Variants in MYLK3 observed in about 807,000 individuals in gnomAD.
The protein encoded by MYLK3 is myosin light chain kinase 3.
MYLK3 carries 55 observed loss-of-function variants against 76.3 expected under a neutral mutation model. The observed-to-expected ratio is 0.72, with a 90% CI of 0.58 to 0.90. The LOEUF is 0.90. MYLK3 is among the 40% of genes least tolerant of loss of function. MYLK3 has a pLI of 0.00. For synonymous variants in MYLK3, 416 were observed against 425.4 expected (o/e 0.98, Z 0.27); for missense variants, 973 against 1,053.6 (o/e 0.92, Z 1.06).
intron 9 of MYLK3, among the ~76,000 whole-genome samples, chr16:46,719,941 T>A (rs552318501): frequency 6.6e-6 from 1 of 152,028 alleles, no homozygotes; most frequent in Admixed American, 6.6e-5. Flanking sequence ...ACTTTGGGAG[T>A]CTGAGGCAGG....
intron 1 of MYLK3, 65 bp from the exon 2 acceptor site, chr16:46,740,212 T>G: frequency 7.6e-7 from 1 of 1,321,604 alleles, no homozygotes; most frequent in Non-Finnish European, 1.1e-6. Flanking sequence ...CCACAGACAT[T>G]TGTTTAGCAC....
intron 1 of MYLK3, among the ~76,000 whole-genome samples, chr16:46,741,074 G>A (rs931131332): frequency 6.6e-6 from 1 of 152,202 alleles, no homozygotes; most frequent in African/African-American, 2.4e-5. Flanking sequence ...CAGCCATGCT[G>A]GGTTTGAACC....
intron 10 of MYLK3, among the ~76,000 whole-genome samples, chr16:46,712,378 A>G (rs1005593608): frequency 2.0e-5 from 3 of 151,894 alleles, no homozygotes; most frequent in African/African-American, 7.3e-5. Flanking sequence ...TCCAGGGAAT[A>G]ATATCGGCAC....
chr16:46,734,021 T>A lies in MYLK3; in HGVS notation c.1002-1353A>T, dbSNP rs560492406. On this transcript the variant is annotated intron_variant, in intron 3 of 12. Transcript: ENST00000394809. ...CTGGAGGCTCTTCAGAAATTAAAAG[T>A]AGGATTACCGCATGTTTCAGCAACT... 1.7e-4 allele frequency among the ~76,000 whole-genome samples: 26 copies of A among 152,200 alleles called. No individual in the cohort carries two copies. The South Asian group carries it at 5.0e-3, about 29-fold the overall frequency.
At chr16:46,738,469 C>A (rs768006807) in intron 2 of MYLK3, among the ~76,000 whole-genome samples, 1 of 152,174 alleles carries the variant, frequency 6.6e-6, no homozygotes, top group Admixed American at 6.5e-5. Flanking sequence ...GAGGCTGAGG[C>A]AGGAGGATTG....
intron 1 of MYLK3, chr16:46,757,540 G>C (rs1029555182): frequency 3.7e-5 from 36 of 985,346 alleles, no homozygotes; most frequent in Non-Finnish European, 4.0e-5. Context: ...CCAACTCCGT[G>C]TTTACTCTGC....
At chr16:46,755,906 C>CT (rs772833701) in intron 1 of MYLK3, among the ~76,000 whole-genome samples, 85,302 of 109,470 alleles carry the variant, frequency 0.78, 31,618 homozygotes, top group East Asian at 0.96. Context: ...TTTTTTCTTT[C>CT]TTTTTTTTTT....
chr16:46,738,013 G>A lies in MYLK3; in HGVS notation c.699C>T (p.Ala233=). The part of the protein sequence containing the change: ...PGQGDGVPGP[A]QAFPGHLPLP... ...GGGGCAGGTGGCCAGGGAATGCCTGGGCTGGGCCAGGAACACCATCTCCCT... is the reference window on the plus strand; with the variant it reads ...GGGGCAGGTGGCCAGGGAATGCCTGAGCTGGGCCAGGAACACCATCTCCCT... The change falls in exon 3 of 13, where the codon GCC becomes GCT. Residue 233 remains alanine, a synonymous_variant. Transcript: ENST00000394809. The A allele has an allele frequency of 6.2e-7, 1 of 1,613,294 alleles. No homozygotes were observed. The highest frequency in any genetic ancestry group is 8.5e-7 in the Non-Finnish European group (1 of 1,179,972).
chr16:46,752,478 T>A (rs1245343407), upstream of MYLK3, among the ~76,000 whole-genome samples: 2 of 152,150 alleles, frequency 1.3e-5, no homozygotes, highest in African/African-American at 4.8e-5. Flanking sequence ...CAAGCCCCCA[T>A]GACACAAGTT....
upstream of MYLK3, among the ~76,000 whole-genome samples, chr16:46,752,292 A>C: frequency 6.6e-6 from 1 of 152,026 alleles, no homozygotes; most frequent in Non-Finnish European, 1.5e-5. Context: ...CTGGAGTGCA[A>C]TGGCACAACC....
At chr16:46,741,920 G>A (rs1199681736) in intron 1 of MYLK3, among the ~76,000 whole-genome samples, 8 of 152,072 alleles carry the variant, frequency 5.3e-5, no homozygotes, top group Admixed American at 5.2e-4. Flanking sequence ...ACAGGCACGT[G>A]CCACCACCTC....
Position 46,747,993 on chromosome 16 carries a change from C to T in MYLK3, c.201G>A (p.Leu67=). ...MGHLERGLHR[L]EASRAPGPGG... ...CCGGGCCCGGTGCCCGGGAGGCCTC[C>T]AGCCTGTGCAGGCCCCGCTCCAGGT... Residue 67 remains leucine, a synonymous_variant, in exon 1 of 13, where the codon CTG becomes CTA. Transcript: ENST00000394809. The T allele has an allele frequency of 6.2e-7, 1 of 1,613,622 alleles. No homozygotes were observed. Among genetic ancestry groups the T allele is most frequent in the Non-Finnish European group, 8.5e-7 (1 of 1,179,982 alleles).
At chr16:46,737,562 TC>T in intron 3 of MYLK3, 148 bp downstream of exon 3, 1 of 716,972 alleles carries the variant, frequency 1.4e-6, no homozygotes, top group Non-Finnish European at 2.2e-6. Context: ...TACTCTAAGC[TC>T]CCAGAGGCAG....
rs543935315 is a variant in MYLK3, at chr16:46,732,754, C to A, written c.1002-86G>T. 1.6e-4 allele frequency: 177 copies of A among 1,102,844 alleles called. No individual in the cohort carries two copies. The Middle Eastern group carries it at 1.9e-3, about 12-fold the overall frequency. The allele number at this position is 1,102,844 out of a possible 1,614,324, so 68.3% of individuals were successfully genotyped here. A position where few individuals can be genotyped will look rare whatever the true frequency, so the allele number is the denominator to read the frequency against. ...CGTGGGTTCCAATGCCCACTGCTGCCATCATTGACAATGGCCCTGGGGCCC... is the reference window on the plus strand; with the variant it reads ...CGTGGGTTCCAATGCCCACTGCTGCAATCATTGACAATGGCCCTGGGGCCC... On this transcript the variant is annotated intron_variant, in intron 3 of 12. Coordinates refer to ENST00000394809, the MANE Select transcript of MYLK3 (RefSeq NM_182493.3).
chr16:46,734,963 G>A (rs1017870868), intron 3 of MYLK3, among the ~76,000 whole-genome samples: 65 of 151,802 alleles, frequency 4.3e-4, no homozygotes, highest in African/African-American at 1.5e-3. Context: ...GCAACATAGT[G>A]GGACCTGTCT....
chr16:46,758,251 ACTGCCTCTCTCTCTC>A, intron 1 of MYLK3, among the ~76,000 whole-genome samples: 1 of 149,222 alleles, frequency 6.7e-6, no homozygotes, highest in Non-Finnish European at 1.5e-5. Context: ...ACACACACAC[ACTGCCTCTCTCTCTC>A]CACACACACA....
chr16:46,730,905 C>T (rs1057326237), intron 4 of MYLK3, among the ~76,000 whole-genome samples: 1 of 152,236 alleles, frequency 6.6e-6, no homozygotes, highest in African/African-American at 2.4e-5. Flanking sequence ...AAACCCAGGT[C>T]TCCCGGCACC....
At chr16:46,748,365 T>G, upstream of MYLK3, 1 of 1,239,376 alleles carries the variant, frequency 8.1e-7, no homozygotes, top group Non-Finnish European at 1.1e-6. This position sits in a 1 kb window ranked among gnomAD's most constrained non-coding sequence, Gnocchi z 4.3. Flanking sequence ...GAGGCCCAGG[T>G]TCTTCCTGTG....
In MYLK3 at chr16:46,737,788, A is replaced by G; in HGVS notation, c.924T>C (p.Pro308=). Residue 308 remains proline, a synonymous_variant, in exon 3 of 13, where the codon CCT becomes CCC. Transcript: ENST00000394809. ...CTGGAGGCCCTGGGCACTGAGGGCC[A>G]GGCCCTGGAGTCAGCCTCGTGCCTT... ...LEEGTRLTPG[P]GPQCPGPPGL... The G allele has an allele frequency of 6.2e-7, 1 of 1,612,158 alleles. No homozygotes were observed. Among genetic ancestry groups the G allele is most frequent in the Non-Finnish European group, 8.5e-7 (1 of 1,179,926 alleles).
Sources: gnomAD v4.1 joint callset for allele counts (sites outside exome capture counted in the v4.1 genomes callset) on GRCh38, gnomAD v4.1.1 for gene constraint, Gnocchi (gnomAD v3.1) non-coding constraint, MANE v1.5 for transcripts, NCBI Gene and HGNC (gene_info 2026-07-23, HGNC 2026-07-21) for gene names.